CHD6: variants seen among roughly 807,000 people sequenced by gnomAD.
CHD6 encodes chromodomain helicase DNA binding protein 6.
A neutral mutation model predicts 276.9 loss-of-function variants in CHD6; 50 were observed. That is an observed-to-expected ratio of 0.18 (90% confidence interval 0.14 to 0.23). The LOEUF (loss-of-function observed/expected upper bound fraction) is 0.23. CHD6 is among the 10% of genes least tolerant of loss of function. The pLI is 1.00. For missense variants in CHD6, 2,564 were observed against 3,365.8 expected (o/e 0.76, Z 5.89); for synonymous variants, 1,173 against 1,229.3 (o/e 0.95, Z 0.96).
chr20:41,522,146 G>C (rs2044415060), intron 3 of CHD6, among the ~76,000 whole-genome samples: 1 of 152,074 alleles, frequency 6.6e-6, no homozygotes, highest in East Asian at 1.9e-4. Flanking sequence ...TTTGAGACCA[G>C]ACTGGCAGCA....
intron 1 of CHD6, among the ~76,000 whole-genome samples, chr20:41,608,444 T>C (rs2045852266): frequency 6.6e-6 from 1 of 152,222 alleles, no homozygotes; most frequent in African/African-American, 2.4e-5. Context: ...AAGAAAATTA[T>C]GGAGCCTTTC....
intron 17 of CHD6, among the ~76,000 whole-genome samples, chr20:41,468,297 A>G (rs1467462541): frequency 6.6e-6 from 1 of 151,964 alleles, no homozygotes. Context: ...TTTAGTAGAG[A>G]CAGCATTTCA....
At chr20:41,545,056 C>T (rs1463482055) in intron 2 of CHD6, among the ~76,000 whole-genome samples, 2 of 152,156 alleles carry the variant, frequency 1.3e-5, no homozygotes. Context: ...GCTTACAAGG[C>T]ATATGGCACA....
chr20:41,601,750 AC>A (rs1400502722), intron 1 of CHD6, among the ~76,000 whole-genome samples: 1 of 152,240 alleles, frequency 6.6e-6, no homozygotes, highest in East Asian at 1.9e-4. Flanking sequence ...TAATAACAGA[AC>A]CCAAAATTTC....
At chr20:41,538,508 T>A (rs2044879530) in intron 2 of CHD6, among the ~76,000 whole-genome samples, 3 of 152,102 alleles carry the variant, frequency 2.0e-5, no homozygotes, top group Admixed American at 2.0e-4. Context: ...AAAAACGAAC[T>A]CAAAGAGACA....
chr20:41,469,894 C>T (rs1362949919), intron 17 of CHD6, among the ~76,000 whole-genome samples: 1 of 152,202 alleles, frequency 6.6e-6, no homozygotes, highest in Non-Finnish European at 1.5e-5. Context: ...CTAAGTAGTA[C>T]CCAGTTTCTA....
chr20:41,567,792 GACAAAAT>G (rs1400263334), intron 1 of CHD6, among the ~76,000 whole-genome samples: 5 of 152,162 alleles, frequency 3.3e-5, no homozygotes, highest in African/African-American at 1.2e-4. Flanking sequence ...CCAGGCCACA[GACAAAAT>G]GACCTTGCTG....
chr20:41,425,978 T>C, intron 28 of CHD6, 115 bp downstream of exon 28: 1 of 808,360 alleles, frequency 1.2e-6, no homozygotes, highest in Non-Finnish European at 2.2e-6. Flanking sequence ...GTCAACTTAC[T>C]TGGCTTTTTA....
At chr20:41,526,508 C>T (rs2044539935) in intron 3 of CHD6, among the ~76,000 whole-genome samples, 1 of 152,152 alleles carries the variant, frequency 6.6e-6, no homozygotes, top group African/African-American at 2.4e-5. Context: ...CTTCCTGCAC[C>T]ACACAGTTAT....
At chr20:41,468,722 CAG>C (rs1320127565) in intron 17 of CHD6, among the ~76,000 whole-genome samples, 2 of 152,024 alleles carry the variant, frequency 1.3e-5, no homozygotes, top group Admixed American at 6.6e-5. Flanking sequence ...TGTCAAGAAA[CAG>C]GGGATGTAGG....
At chr20:41,454,060 T>C (rs1025630549) in intron 20 of CHD6, among the ~76,000 whole-genome samples, 1 of 152,190 alleles carries the variant, frequency 6.6e-6, no homozygotes, top group Non-Finnish European at 1.5e-5. Flanking sequence ...GTGCCAGTTA[T>C]ACCCACAAAT....
chr20:41,451,949 A>C lies in CHD6; in HGVS notation c.3400T>G (p.Cys1134Gly). Residue 1134 changes from cysteine (C) to glycine (G), a missense_variant, in exon 22 of 37, where the codon TGC becomes GGC. By Grantham distance (159) the Cys-to-Gly change is radical (BLOSUM62 -3). Around this residue, in one of 7 missense-constraint regions of CHD6, gnomAD observed 515 missense variants for 739.5 expected, o/e 0.70. Transcript: ENST00000373233. ...HLNEKDMEMICRALLVYCVKH... is the reference protein window; with the variant it reads ...HLNEKDMEMIGRALLVYCVKH... ...ACACAGTACACCAGGAGGGCACGGCAAATCATCTCCATGTCCTTCTCGTTC... is the reference window on the plus strand; with the variant it reads ...ACACAGTACACCAGGAGGGCACGGCCAATCATCTCCATGTCCTTCTCGTTC... 6.2e-7 allele frequency: 1 copy of C among 1,614,094 alleles called. No individual in the cohort carries two copies. Among genetic ancestry groups the C allele is most frequent in the Non-Finnish European group, 8.5e-7 (1 of 1,179,976 alleles).
intron 1 of CHD6, among the ~76,000 whole-genome samples, chr20:41,572,828 TATAA>T (rs2045433082): frequency 6.6e-6 from 1 of 152,144 alleles, no homozygotes; most frequent in African/African-American, 2.4e-5. Flanking sequence ...CCATTCAGAG[TATAA>T]ATAATTATCT....
At chr20:41,483,551 G>C in intron 15 of CHD6, 32 bp from the exon 16 acceptor site, 1 of 1,479,114 alleles carries the variant, frequency 6.8e-7, no homozygotes, top group African/African-American at 1.4e-5. Context: ...CTATTCCTCG[G>C]ACAGAATATA....
chr20:41,533,337 A>ACCT lies in CHD6; in HGVS notation c.264_266dup (p.Gly89dup). ...TCTTCCGTTTCTTCTTCACTCCAGT[A>ACCT]CCTCCTCCTCCACTGTCCTCCATCC... On this transcript the variant is annotated inframe_insertion, in exon 3 of 37. Transcript: ENST00000373233. 1 of 1,613,644 alleles carries ACCT rather than the reference A, an allele frequency of 6.2e-7. No homozygotes were observed. The highest frequency in any genetic ancestry group is 1.6e-4 in the Middle Eastern group (1 of 6,062).
At position 41,617,515 on chromosome 20, in the gene CHD6, C is replaced by T. The variant is rs537865563; in HGVS notation, c.-24+825G>A. 3.3e-5 allele frequency among the ~76,000 whole-genome samples: 5 copies of T among 152,284 alleles called. No individual in the cohort carries two copies. In the South Asian group the frequency reaches 1.0e-3, roughly 32 times the overall value. ...GCCTTTAAAAAAAACCAAGTAGCTG[C>T]CAACCCTCTGCACATCCGATAGGCA... On this transcript the variant is annotated intron_variant, in intron 1 of 36. Coordinates refer to ENST00000373233, the MANE Select transcript of CHD6 (RefSeq NM_032221.5).
chr20:41,504,132 C>T (rs1344136121), intron 5 of CHD6, among the ~76,000 whole-genome samples: 3 of 142,544 alleles, frequency 2.1e-5, no homozygotes, highest in Admixed American at 7.0e-5. Context: ...TTAACTGCAT[C>T]GCACTTGTCT....
intron 26 of CHD6, among the ~76,000 whole-genome samples, 183 bp from the exon 27 acceptor site, chr20:41,437,517 ATTG>A (rs1224292151): frequency 3.9e-5 from 6 of 152,178 alleles, no homozygotes; most frequent in African/African-American, 4.8e-5. Flanking sequence ...TTCTATTATT[ATTG>A]TTGTTAATCC....
chr20:41,464,110 T>A (rs998836700), intron 17 of CHD6, among the ~76,000 whole-genome samples: 1 of 151,914 alleles, frequency 6.6e-6, no homozygotes, highest in African/African-American at 2.4e-5. Flanking sequence ...TACACTGGAG[T>A]TGCAAAATGA....
Sources: gnomAD v4.1 joint callset for allele counts (sites outside exome capture counted in the v4.1 genomes callset) on GRCh38, gnomAD v4.1.1 for gene constraint, gnomAD v4.1.1 regional missense constraint, MANE v1.5 for transcripts, NCBI Gene and HGNC (gene_info 2026-07-23, HGNC 2026-07-21) for gene names.